ANXA11: variants seen among roughly 807,000 people sequenced by gnomAD.
ANXA11 encodes the protein 56 kDa autoantigen.
A neutral mutation model predicts 64.7 loss-of-function variants in ANXA11; 57 were observed. The ratio of observed to expected loss-of-function variants is 0.88; its 90% CI spans 0.71 to 1.10. The LOEUF (loss-of-function observed/expected upper bound fraction) is 1.10, where lower values mean the gene tolerates loss of function less well. Ranked by LOEUF, ANXA11 falls within the 50% of genes least tolerant of loss-of-function variation. ANXA11 has a pLI of 0.00. For missense variants in ANXA11, 675 were observed against 670.7 expected (o/e 1.01, Z -0.07); for synonymous variants, 260 against 265.2 (o/e 0.98, Z 0.19).
intron 8 of ANXA11, among the ~76,000 whole-genome samples, chr10:80,164,522 T>TA (rs1845649862): frequency 6.6e-6 from 1 of 151,948 alleles, no homozygotes; most frequent in Non-Finnish European, 1.5e-5. Flanking sequence ...AAAAAATGGG[T>TA]AAAAAGCAAG....
chr10:80,170,088 T>C (rs949545615), intron 4 of ANXA11, among the ~76,000 whole-genome samples: 1 of 152,090 alleles, frequency 6.6e-6, no homozygotes, highest in African/African-American at 2.4e-5. Context: ...TTTACCCTGG[T>C]CAACTTGTTC....
intron 13 of ANXA11, among the ~76,000 whole-genome samples, chr10:80,158,700 T>C (rs927768827): frequency 6.6e-6 from 1 of 152,186 alleles, no homozygotes; most frequent in Non-Finnish European, 1.5e-5. Flanking sequence ...ATGGGCCTGT[T>C]TCGCTGCTGC....
Position 80,166,945 on chromosome 10 carries a change from C to T in ANXA11, c.689G>A (p.Arg230His), listed in dbSNP as rs942671551. ...EQAIIDCLGS[R>H]SNKQRQQILL... ...GATCTGCTGCCGCTGCTTGTTGGAG[C>T]GACTCCCCAGGCAGTCAATGATGGC... is the stretch of plus-strand genomic sequence containing the variant. Residue 230 changes from arginine to histidine, a missense_variant, in exon 7 of 16, where the codon CGC becomes CAC. Coordinates refer to ENST00000422982, the MANE Select transcript of ANXA11 (RefSeq NM_145868.2). The T allele has an allele frequency of 4.4e-6, 7 of 1,609,146 alleles. No homozygotes were observed. The African/African-American group carries it at 9.4e-5, about 21-fold the overall frequency.
In ANXA11 at chr10:80,155,585, T is replaced by A. The variant is rs1845243116; in HGVS notation, c.*268A>T. The A allele has an allele frequency of 4.2e-6, 2 of 475,718 alleles. No individual in the cohort carries two copies. The highest frequency in any genetic ancestry group is 3.7e-6 in the Non-Finnish European group (1 of 269,400). 29.5% of individuals were successfully genotyped at this position (475,718 alleles called of 1,614,324 possible). ...AGTCTTAGCCACAGGCAAAGGGGAA[T>A]GATTGCATGAGTCAGAAAAATGAAA... On this transcript the variant is annotated 3_prime_UTR_variant, in exon 16 of 16. Transcript: ENST00000422982.
chr10:80,163,361 C>G lies in ANXA11; in HGVS notation c.1074G>C (p.Gln358His), dbSNP rs1420176705. The change falls in exon 11 of 16, where the codon CAG (glutamine) becomes CAC (histidine). Residue 358 changes from glutamine to histidine, a missense_variant. Gln to His is a conservative substitution (Grantham distance 24). Transcript: ENST00000422982. ...ESTNVDMSLA[Q>H]RDAQELYAAG... Reference sequence around the variant, plus strand: ...CCATCACACTCACCTGGGCATCTCTCTGGGCGAGTGACATGTCCACGTTTG... The same window carrying G: ...CCATCACACTCACCTGGGCATCTCTGTGGGCGAGTGACATGTCCACGTTTG... The G allele has an allele frequency of 1.9e-6, 3 of 1,613,440 alleles. No homozygotes were observed. In the South Asian group the frequency reaches 3.3e-5, roughly 18 times the overall value.
At chr10:80,198,390 G>C (rs1277046359) in intron 1 of ANXA11, among the ~76,000 whole-genome samples, 2 of 152,198 alleles carry the variant, frequency 1.3e-5, no homozygotes. Flanking sequence ...CTAGCAGCTA[G>C]GAGGGCCTGC....
At chr10:80,179,185 G>A (rs564710997) in intron 1 of ANXA11, among the ~76,000 whole-genome samples, 5 of 152,238 alleles carry the variant, frequency 3.3e-5, no homozygotes, top group East Asian at 1.9e-4. Flanking sequence ...GTTTAAAAGC[G>A]TGTAGCGCCT....
In ANXA11 at chr10:80,169,212, A is replaced by G. The variant is rs1845874157; in HGVS notation, c.318T>C (p.Tyr106=). 6.2e-7 allele frequency: 1 copy of G among 1,610,708 alleles called. No homozygotes were observed. The highest frequency in any genetic ancestry group is 8.5e-7 in the Non-Finnish European group (1 of 1,178,888). Residue 106 remains tyrosine, a synonymous_variant, in exon 5 of 16, where the codon TAT becomes TAC. Transcript: ENST00000422982. ...AQQPVPPYGM[Y]PPPGGNPPSR... ...AGGGTGGGTTTCCTCCTGGGGGTGG[A>G]TACATCCCATAGGGAGGAACAGGCT... is the stretch of plus-strand genomic sequence containing the variant.
intron 1 of ANXA11, among the ~76,000 whole-genome samples, chr10:80,203,161 G>C (rs531389079): frequency 2.0e-5 from 3 of 152,008 alleles, no homozygotes; most frequent in South Asian, 4.2e-4. Context: ...CATGCATTTT[G>C]GTTCCACATT....
chr10:80,192,105 C>T (rs147455308), intron 1 of ANXA11, among the ~76,000 whole-genome samples: 213 of 152,300 alleles, frequency 1.4e-3, no homozygotes, highest in African/African-American at 4.7e-3. Flanking sequence ...TGTTCCATCA[C>T]GGGGGCAGCC....
intron 5 of ANXA11, among the ~76,000 whole-genome samples, chr10:80,168,525 T>C (rs1845838209): frequency 6.7e-6 from 1 of 149,670 alleles, no homozygotes; most frequent in Non-Finnish European, 1.5e-5. Flanking sequence ...TGTTTGTCTT[T>C]TTTTGTTTTT....
At chr10:80,187,173 C>T (rs911039001) in intron 1 of ANXA11, among the ~76,000 whole-genome samples, 26 of 152,234 alleles carry the variant, frequency 1.7e-4, no homozygotes, top group Non-Finnish European at 4.4e-5. Context: ...TTGAATACTT[C>T]TGTCTCCCCA....
At position 80,154,107 on chromosome 10, in the gene ANXA11, T is replaced by TTG. The variant is rs1376043684; in HGVS notation, c.*1745_*1746insCA. 6.6e-6 allele frequency: 1 copy of TTG among 151,048 alleles called. No individual in the cohort carries two copies. The highest frequency in any genetic ancestry group is 1.5e-5 in the Non-Finnish European group (1 of 67,766). 9.4% of individuals were successfully genotyped at this position (151,048 alleles called of 1,614,324 possible). On this transcript the variant is annotated 3_prime_UTR_variant, in exon 16 of 16. Coordinates refer to ENST00000422982, the MANE Select transcript of ANXA11 (RefSeq NM_145868.2). ...ATGCACTACAATGCCAGGTAAATTT[T>TTG]TTTTTTTTTTTGAGACAGAGTCTCA...
chr10:80,176,863 C>T (rs79199495), intron 1 of ANXA11, among the ~76,000 whole-genome samples: 2,605 of 152,270 alleles, frequency 0.017, 78 homozygotes, highest in African/African-American at 0.06. Context: ...TGTGGTCCTG[C>T]GACCCTGGGT....
Position 80,190,473 on chromosome 10 carries a change from A to G in ANXA11, c.-57-14318T>C, listed in dbSNP as rs529158078. ...TAAATTTACATAATTATAAATGTTA[A>G]TTTACAATAAATTTTTTTTTTTTTT... On this transcript the variant is annotated intron_variant, in intron 1 of 15. Coordinates refer to ENST00000422982, the MANE Select transcript of ANXA11 (RefSeq NM_145868.2). Among the ~76,000 whole-genome samples the G allele has an allele frequency of 1.0e-4, 15 of 149,272 alleles. No individual in the cohort carries two copies. The South Asian group carries it at 2.7e-3, about 27-fold the overall frequency.
chr10:80,151,569 A>G lies in ANXA11; in HGVS notation c.*4284T>C, dbSNP rs1308093760. On this transcript the variant is annotated 3_prime_UTR_variant, in exon 16 of 16. Coordinates refer to ENST00000422982, the MANE Select transcript of ANXA11 (RefSeq NM_145868.2). The stretch of plus-strand genomic sequence containing the variant: ...GAAATAAGGAGCCAGGTCCTAAGGT[A>G]GGGCTGTAACTCCCTGCCAAGGCCA... 3.3e-5 allele frequency: 5 copies of G among 152,204 alleles called. No homozygotes were observed. The highest frequency in any genetic ancestry group is 3.3e-4 in the Admixed American group (5 of 15,284). The allele number at this position is 152,204 out of a possible 1,614,324, so 9.4% of individuals were successfully genotyped here. A position where few individuals can be genotyped will look rare whatever the true frequency, so the allele number is the denominator to read the frequency against.
chr10:80,188,381 G>A (rs913641304), intron 1 of ANXA11, among the ~76,000 whole-genome samples: 1 of 146,272 alleles, frequency 6.8e-6, no homozygotes, highest in African/African-American at 2.6e-5. Context: ...GTGTGACCCT[G>A]GATATATAGA....
chr10:80,167,174 C>T (rs192217646), intron 6 of ANXA11, 52 bp downstream of exon 6: 1 of 1,575,708 alleles, frequency 6.3e-7, no homozygotes, highest in Non-Finnish European at 8.7e-7. Context: ...AGTGAAACTG[C>T]CTGGGAAATA....
At chr10:80,171,051 C>A in intron 3 of ANXA11, 136 bp from the exon 4 acceptor site, 1 of 1,525,658 alleles carries the variant, frequency 6.6e-7, no homozygotes, top group South Asian at 1.2e-5. Context: ...ACACCACAGA[C>A]CACATGAAAA....
Sources: gnomAD v4.1 joint callset for allele counts (sites outside exome capture counted in the v4.1 genomes callset) on GRCh38, gnomAD v4.1.1 for gene constraint, MANE v1.5 for transcripts, NCBI Gene and HGNC (gene_info 2026-07-23, HGNC 2026-07-21) for gene names.